MRPS18B: variants seen among roughly 807,000 people sequenced by gnomAD.
MRPS18B encodes the protein small ribosomal subunit protein mS40.
Under a neutral mutation model 28.4 loss-of-function variants are expected in MRPS18B, and 27 were observed. The observed-to-expected ratio is 0.95, with a 90% CI of 0.70 to 1.31. The LOEUF is 1.31. Among genes scored for constraint, MRPS18B ranks in the 40% most tolerant of loss-of-function variants. The pLI is 0.00. For synonymous variants in MRPS18B, 118 were observed against 123.7 expected, an observed-to-expected ratio of 0.95 and a Z score of 0.30; for missense variants, 343 against 335.9, an observed-to-expected ratio of 1.02 and a Z score of -0.17.
chr6:30,619,685 A>C, intron 2 of MRPS18B, 24 bp from the exon 3 acceptor site: 1 of 1,612,654 alleles, frequency 6.2e-7, no homozygotes, highest in Non-Finnish European at 8.5e-7. Context: ...ACCCAGGAAT[A>C]ACTTGTATGA....
At chr6:30,624,088 TG>T (rs1215399505) in intron 5 of MRPS18B, among the ~76,000 whole-genome samples, 1 of 125,868 alleles carries the variant, frequency 7.9e-6, no homozygotes, top group Non-Finnish European at 1.7e-5. Context: ...TTGTTTTTTT[TG>T]GGGGGGTGTG....
chr6:30,623,035 G>A lies in MRPS18B; in HGVS notation c.421+137G>A, dbSNP rs918371026. On this transcript the variant is annotated intron_variant, in intron 5 of 6. Transcript: ENST00000259873. ...CTGGCTGAACCTTTTGGAAATCTTG[G>A]CTTGCTGGGGGCTAAAGTAATTAAA... is the stretch of plus-strand genomic sequence containing the variant. 22 of 835,678 alleles carry A rather than the reference G, an allele frequency of 2.6e-5. No individual in the cohort carries two copies. The South Asian group carries it at 2.9e-4, about 11-fold the overall frequency. The allele number at this position is 835,678 out of a possible 1,614,324, so 51.8% of individuals were successfully genotyped here. A position where few individuals can be genotyped will look rare whatever the true frequency, so the allele number is the denominator to read the frequency against.
At chr6:30,620,645 C>G (rs1761099829) in intron 4 of MRPS18B, among the ~76,000 whole-genome samples, 1 of 151,994 alleles carries the variant, frequency 6.6e-6, no homozygotes, top group African/African-American at 2.4e-5. Flanking sequence ...TCTCAGCTCA[C>G]TGCAACCTCC....
At chr6:30,620,800 C>T (rs1197844639) in intron 4 of MRPS18B, among the ~76,000 whole-genome samples, 1 of 151,962 alleles carries the variant, frequency 6.6e-6, no homozygotes, top group East Asian at 1.9e-4. Context: ...AAACTCCTGA[C>T]CTTGTGACCC....
Position 30,625,868 on chromosome 6 carries a change from A to T in MRPS18B, c.*71A>T. On this transcript the variant is annotated 3_prime_UTR_variant, in exon 7 of 7. Coordinates refer to ENST00000259873, the MANE Select transcript of MRPS18B (RefSeq NM_014046.4). Reference sequence around the variant, plus strand: ...GTAATCCCAGCACTTTGGGAAGCCAAGGTGGGCTGATCACTTGATCCCAGG... The same window carrying T: ...GTAATCCCAGCACTTTGGGAAGCCATGGTGGGCTGATCACTTGATCCCAGG... The T allele has an allele frequency of 6.8e-7, 1 of 1,476,340 alleles. No homozygotes were observed. The highest frequency in any genetic ancestry group is 1.3e-5 in the South Asian group (1 of 78,706). The allele number at this position is 1,476,340 out of a possible 1,614,324, so 91.5% of individuals were successfully genotyped here.
chr6:30,623,392 TGTA>T (rs1761292620), intron 5 of MRPS18B, among the ~76,000 whole-genome samples: 1 of 151,922 alleles, frequency 6.6e-6, no homozygotes, highest in South Asian at 2.1e-4. Flanking sequence ...ACTATCTAAA[TGTA>T]GTTTTTAATT....
In MRPS18B at chr6:30,625,893, G is replaced by A. The variant is rs1294333886; in HGVS notation, c.*96G>A. 1.5e-6 allele frequency: 2 copies of A among 1,343,824 alleles called. No homozygotes were observed. The highest frequency in any genetic ancestry group is 4.5e-5 in the Admixed American group (2 of 44,128). 83.2% of individuals were successfully genotyped at this position (1,343,824 alleles called of 1,614,324 possible). A position where few individuals can be genotyped will look rare whatever the true frequency, so the allele number is the denominator to read the frequency against. On this transcript the variant is annotated 3_prime_UTR_variant, in exon 7 of 7. Transcript: ENST00000259873. Reference sequence around the variant, plus strand: ...AGGTGGGCTGATCACTTGATCCCAGGAGTTTGAGACCAGCCTGGGCACCAT... The same window carrying A: ...AGGTGGGCTGATCACTTGATCCCAGAAGTTTGAGACCAGCCTGGGCACCAT...
chr6:30,620,045 C>T (rs1253497352), intron 4 of MRPS18B, 56 bp downstream of exon 4: 27 of 1,543,850 alleles, frequency 1.7e-5, no homozygotes, highest in East Asian at 2.2e-5. Context: ...GGGCTGGGCG[C>T]GGTGGCTCAC....
Position 30,618,338 on chromosome 6 carries a change from T to C in MRPS18B, c.78+395T>C, listed in dbSNP as rs4713338. Among the ~76,000 whole-genome samples, 143 of 152,290 alleles carry C rather than the reference T, an allele frequency of 9.4e-4. 1 individual carries two copies. Among genetic ancestry groups the C allele is most frequent in the Admixed American group, 7.0e-3 (107 of 15,294 alleles). On this transcript the variant is annotated intron_variant, in intron 1 of 6. Transcript: ENST00000259873. ...GAGCGCCACAACCAGCTGTTAACTA[T>C]GCAAGTGGTGACTAAATCTGTGTTG...
At chr6:30,624,553 T>C (rs1289540019) in intron 5 of MRPS18B, among the ~76,000 whole-genome samples, 1 of 152,210 alleles carries the variant, frequency 6.6e-6, no homozygotes, top group Non-Finnish European at 1.5e-5. Flanking sequence ...TCTTTTCCCT[T>C]TATTGAATCT....
chr6:30,617,988 C>T (rs1275993977), intron 1 of MRPS18B, 45 bp downstream of exon 1: 5 of 1,603,156 alleles, frequency 3.1e-6, no homozygotes, highest in Non-Finnish European at 4.3e-6. Flanking sequence ...GTTGGTTATA[C>T]CTTCTCGAGG....
chr6:30,625,079 C>A, intron 6 of MRPS18B, 137 bp downstream of exon 6: 1 of 869,806 alleles, frequency 1.1e-6, no homozygotes, highest in East Asian at 2.7e-5. Context: ...TACATTGTCC[C>A]CTGTCCTTTC....
chr6:30,622,854 T>C lies in MRPS18B; in HGVS notation c.377T>C (p.Phe126Ser). 2 of 1,613,064 alleles carry C rather than the reference T, an allele frequency of 1.2e-6. No homozygotes were observed. Among genetic ancestry groups the C allele is most frequent in the South Asian group, 1.1e-5 (1 of 91,090 alleles). Residue 126 changes from phenylalanine to serine, a missense_variant, in exon 5 of 7, where the codon TTT (phenylalanine) becomes TCT (serine). Coordinates refer to ENST00000259873, the MANE Select transcript of MRPS18B (RefSeq NM_014046.4). ...DFRNVKLLEQ[F>S]VCAHTGIIFY... ...CAGAACGTGAAGCTCTTGGAGCAAT[T>C]TGTCTGCGCCCACACGGGTATCATC...
intron 1 of MRPS18B, among the ~76,000 whole-genome samples, 176 bp from the exon 2 acceptor site, chr6:30,619,317 G>A (rs1760981713): frequency 6.6e-6 from 1 of 152,168 alleles, no homozygotes; most frequent in African/African-American, 2.4e-5. Flanking sequence ...GAAAAGGAGA[G>A]TGGTTGTTGA....
chr6:30,621,759 C>G (rs978054379), intron 4 of MRPS18B, among the ~76,000 whole-genome samples: 2 of 152,112 alleles, frequency 1.3e-5, no homozygotes, highest in African/African-American at 2.4e-5. Context: ...GCCTGGCCAA[C>G]AAGGTGAAAC....
At chr6:30,624,730 A>C (rs1761376652) in intron 5 of MRPS18B, among the ~76,000 whole-genome samples, 153 bp from the exon 6 acceptor site, 1 of 152,172 alleles carries the variant, frequency 6.6e-6, no homozygotes, top group African/African-American at 2.4e-5. Context: ...TCCTTTGGGC[A>C]GATGGGGAAA....
chr6:30,619,610 A>G lies in MRPS18B; in HGVS notation c.187+9A>G. 2 of 1,611,002 alleles carry G rather than the reference A, an allele frequency of 1.2e-6. No homozygotes were observed. The highest frequency in any genetic ancestry group is 1.7e-6 in the Non-Finnish European group (2 of 1,178,150). ...ATATCTGGAATCAGAAGGTACCTCT[A>G]AAGGGGGAAAGGGAGGGTCAGATAG... On this transcript the variant is annotated intron_variant, in intron 2 of 6. Coordinates refer to ENST00000259873, the MANE Select transcript of MRPS18B (RefSeq NM_014046.4).
At chr6:30,618,962 G>A (rs1439350072) in intron 1 of MRPS18B, among the ~76,000 whole-genome samples, 4 of 152,076 alleles carry the variant, frequency 2.6e-5, no homozygotes, top group African/African-American at 7.2e-5. Context: ...TCTGTTGCCA[G>A]GTTGGAGTGT....
rs202214487 is a variant in MRPS18B at position 30,618,084 on chromosome 6, C to CCG, written c.78+142_78+143insGC. 6,524 of 807,664 alleles carry CCG rather than the reference C, an allele frequency of 8.1e-3. 103 individuals are homozygous for CCG. The highest frequency in any genetic ancestry group is 0.031 in the East Asian group (1,131 of 36,840). 50.0% of individuals were successfully genotyped at this position (807,664 alleles called of 1,614,324 possible). A position where few individuals can be genotyped will look rare whatever the true frequency, so the allele number is the denominator to read the frequency against. Reference sequence around the variant, plus strand: ...TAGGCAGTACTTCCTGCAACCCCCCCCCCACACCCCGCGCATTTTCTAATC... The same window carrying CCG: ...TAGGCAGTACTTCCTGCAACCCCCCCCGCCCACACCCCGCGCATTTTCTAATC... On this transcript the variant is annotated intron_variant, in intron 1 of 6. Transcript: ENST00000259873.
Sources: allele counts gnomAD v4.1 joint callset (sites outside exome capture counted in the v4.1 genomes callset), GRCh38; gene constraint gnomAD v4.1.1; transcripts MANE v1.5; gene names NCBI Gene and HGNC (gene_info 2026-07-23, HGNC 2026-07-21).